MYO9A: variants seen among roughly 807,000 people sequenced by gnomAD.
MYO9A encodes unconventional myosin-IXa.
In MYO9A, 103 loss-of-function variants were observed where a neutral mutation model predicts 293.3. The ratio of observed to expected loss-of-function variants is 0.35; its 90% CI spans 0.30 to 0.41. MYO9A has a LOEUF of 0.41. Ranked by LOEUF, MYO9A falls within the 10% of genes least tolerant of loss-of-function variation. The pLI is 1.00. For synonymous variants in MYO9A, 1,001 were observed against 1,035.7 expected (o/e 0.97, Z 0.64); for missense variants, 2,685 against 3,033.0 (o/e 0.89, Z 2.69).
At chr15:72,013,941 G>A (rs921875017) in intron 6 of MYO9A, among the ~76,000 whole-genome samples, 1 of 152,114 alleles carries the variant, frequency 6.6e-6, no homozygotes, top group African/African-American at 2.4e-5. Flanking sequence ...GAATAGCTGG[G>A]ACTACAGGCC....
intron 13 of MYO9A, among the ~76,000 whole-genome samples, chr15:71,962,433 A>C (rs1163725572): frequency 6.6e-6 from 1 of 152,178 alleles, no homozygotes; most frequent in Non-Finnish European, 1.5e-5. Context: ...GAAAAACAGG[A>C]AACAAGCCAG....
chr15:72,046,793 A>G (rs2078398585), intron 1 of MYO9A, among the ~76,000 whole-genome samples, 159 bp from the exon 2 acceptor site: 1 of 152,250 alleles, frequency 6.6e-6, no homozygotes, highest in African/African-American at 2.4e-5. Context: ...ACCACATAAT[A>G]TTAAGTTTCA....
intron 30 of MYO9A, among the ~76,000 whole-genome samples, chr15:71,878,545 T>TA (rs909210266): frequency 2.9e-4 from 44 of 152,166 alleles, no homozygotes; most frequent in Non-Finnish European, 8.8e-5. Flanking sequence ...CCCTCTTAAT[T>TA]ACTTTCCTCC....
At chr15:71,839,033 T>G (rs1453927913) in intron 39 of MYO9A, among the ~76,000 whole-genome samples, 11 of 152,220 alleles carry the variant, frequency 7.2e-5, no homozygotes, top group Admixed American at 4.6e-4. Flanking sequence ...CTTTCTGGCT[T>G]GTTTTCAGTT....
rs571552315 is a variant in MYO9A, at chr15:72,117,661, G to A, written c.-72+19C>T. On this transcript the variant is annotated intron_variant, in intron 1 of 41. Transcript: ENST00000356056. ...CCAGGACGGGCTGCAGGGCCGCTGG[G>A]CGCTTGGGCGGGTCTTACCTCGGGC... The A allele has an allele frequency of 1.5e-3, 583 of 396,190 alleles. 3 individuals carry two copies. The highest frequency in any genetic ancestry group is 9.5e-3 in the Middle Eastern group (15 of 1,582). The allele number at this position is 396,190 out of a possible 1,614,324, so 24.5% of individuals were successfully genotyped here.
rs776890330 is a variant in MYO9A, at chr15:72,019,020, T to C, written c.1155+19A>G. 8.7e-6 allele frequency: 14 copies of C among 1,606,590 alleles called. No individual in the cohort carries two copies. The South Asian group carries it at 1.4e-4, about 16-fold the overall frequency. ...GACCCTTTGACAGAAACACAGAATA[T>C]TTAGGTACTTGTACTGACCGGCTCA... On this transcript the variant is annotated intron_variant, in intron 6 of 41. Transcript: ENST00000356056.
At chr15:72,010,955 G>A (rs905270831) in intron 6 of MYO9A, among the ~76,000 whole-genome samples, 6 of 151,846 alleles carry the variant, frequency 4.0e-5, no homozygotes, top group African/African-American at 1.5e-4. Context: ...CCAGATTTAC[G>A]TAATATAGTT....
intron 18 of MYO9A, among the ~76,000 whole-genome samples, chr15:71,921,189 GA>G (rs2058146819): frequency 6.6e-6 from 1 of 152,202 alleles, no homozygotes; most frequent in African/African-American, 2.4e-5. Flanking sequence ...AGAAAAATGG[GA>G]AAGTATTACC....
At chr15:72,109,296 A>C (rs1488683020) in intron 1 of MYO9A, among the ~76,000 whole-genome samples, 1 of 151,294 alleles carries the variant, frequency 6.6e-6, no homozygotes, top group African/African-American at 2.4e-5. Context: ...AGGCTGAGGC[A>C]GGAGAATGGT....
intron 35 of MYO9A, 63 bp from the exon 36 acceptor site, chr15:71,852,323 C>A: frequency 4.7e-6 from 6 of 1,270,572 alleles, no homozygotes; most frequent in Non-Finnish European, 6.5e-6. Flanking sequence ...AAATAATTCA[C>A]TTTAGAAACT....
At chr15:71,920,053 A>G (rs1398788891) in intron 18 of MYO9A, among the ~76,000 whole-genome samples, 1 of 152,106 alleles carries the variant, frequency 6.6e-6, no homozygotes, top group Non-Finnish European at 1.5e-5. Flanking sequence ...AAATAATTCA[A>G]TCATGCATAA....
At position 72,112,694 on chromosome 15, in the gene MYO9A, C is replaced by T. The variant is rs1053530493; in HGVS notation, c.-72+4986G>A. On this transcript the variant is annotated intron_variant, in intron 1 of 41. Transcript: ENST00000356056. ...AAAATTCCAATACCTACACTCCTTG[C>T]ATGTCTAAAGATACACACAAAATAG... Among the ~76,000 whole-genome samples, 4 of 152,168 alleles carry T rather than the reference C, an allele frequency of 2.6e-5. No individual in the cohort carries two copies. In the East Asian group the frequency reaches 7.7e-4, roughly 29 times the overall value.
intron 18 of MYO9A, among the ~76,000 whole-genome samples, chr15:71,931,368 G>A (rs2058469874): frequency 6.6e-6 from 1 of 152,060 alleles, no homozygotes; most frequent in Non-Finnish European, 1.5e-5. Flanking sequence ...AAAATTGCTG[G>A]GCATAGTACT....
At chr15:71,992,432 A>G (rs1183082130) in intron 10 of MYO9A, among the ~76,000 whole-genome samples, 2 of 152,242 alleles carry the variant, frequency 1.3e-5, no homozygotes, top group Non-Finnish European at 2.9e-5. Context: ...AACTGATATG[A>G]TGAATGAAAA....
At chr15:71,934,340 T>C (rs1596230883) in intron 17 of MYO9A, among the ~76,000 whole-genome samples, 1 of 152,168 alleles carries the variant, frequency 6.6e-6, no homozygotes, top group Non-Finnish European at 1.5e-5. Flanking sequence ...TTAACCTCTT[T>C]AACTTTTCAT....
intron 32 of MYO9A, among the ~76,000 whole-genome samples, chr15:71,863,214 G>A (rs1567208545): frequency 6.6e-6 from 1 of 151,866 alleles, no homozygotes; most frequent in Non-Finnish European, 1.5e-5. Context: ...GATTATCAGC[G>A]TGAACCACTG....
At chr15:71,903,360 C>A (rs941942461) in intron 21 of MYO9A, among the ~76,000 whole-genome samples, 1 of 152,014 alleles carries the variant, frequency 6.6e-6, no homozygotes, top group Non-Finnish European at 1.5e-5. Context: ...TTTAACAAGA[C>A]CCTAAAATTT....
rs368645480 is a variant in MYO9A, at chr15:71,991,086, C to T, written c.1722+17G>A. 1.7e-5 allele frequency: 27 copies of T among 1,569,170 alleles called. No individual in the cohort carries two copies. In the African/African-American group the frequency reaches 3.7e-4, roughly 21 times the overall value. On this transcript the variant is annotated intron_variant, in intron 11 of 41. Transcript: ENST00000356056. ...TGTGTGATGGGGGGACAAGTGTATA[C>T]ATATTTAGGTACTCACTTGTTCCAA...
intron 1 of MYO9A, among the ~76,000 whole-genome samples, chr15:72,099,221 C>T (rs1015830000): frequency 7.2e-5 from 11 of 151,948 alleles, no homozygotes; most frequent in Middle Eastern, 3.4e-3. Context: ...GACAGATCAA[C>T]TGAGGCCAGA....
Sources: allele counts gnomAD v4.1 joint callset (sites outside exome capture counted in the v4.1 genomes callset), GRCh38; gene constraint gnomAD v4.1.1; transcripts MANE v1.5; gene names NCBI Gene and HGNC (gene_info 2026-07-23, HGNC 2026-07-21).